Variants in ADAMTSL1 observed in about 807,000 individuals in gnomAD.
ADAMTSL1 encodes the protein ADAMTS like 1.
Under a neutral mutation model 201.8 loss-of-function variants are expected in ADAMTSL1, and 126 were observed. The observed-to-expected ratio is 0.62, with a 90% CI of 0.54 to 0.72. ADAMTSL1 has a LOEUF of 0.72. ADAMTSL1 is among the 30% of genes least tolerant of loss of function. The probability of loss-of-function intolerance (pLI) is 0.00; values close to 1 mark genes in which losing one functional copy is unlikely to be tolerated. For missense variants in ADAMTSL1, 2,679 were observed against 2,277.8 expected (o/e 1.18, Z -3.59); for synonymous variants, 1,121 against 903.4 (o/e 1.24, Z -4.32).
intron 1 of ADAMTSL1, among the ~76,000 whole-genome samples, chr9:17,914,469 C>T (rs1312163927): frequency 6.6e-6 from 1 of 152,168 alleles, no homozygotes; most frequent in Non-Finnish European, 1.5e-5. Flanking sequence ...CAAAATTCAG[C>T]AACCCTTCAT....
At chr9:18,313,001 G>T (rs1333893140) in intron 2 of ADAMTSL1, among the ~76,000 whole-genome samples, 1 of 152,162 alleles carries the variant, frequency 6.6e-6, no homozygotes, top group African/African-American at 2.4e-5. Flanking sequence ...GATAATAAAG[G>T]TTCTTCTTTT....
intron 7 of ADAMTSL1, among the ~76,000 whole-genome samples, chr9:18,646,158 A>C (rs929331658): frequency 6.6e-6 from 1 of 151,614 alleles, no homozygotes; most frequent in Admixed American, 6.6e-5. Flanking sequence ...GCAATTGTGA[A>C]TCGGAGTTCA....
chr9:18,412,822 AT>A (rs1818505127), intron 2 of ADAMTSL1, among the ~76,000 whole-genome samples: 1 of 151,992 alleles, frequency 6.6e-6, no homozygotes, highest in African/African-American at 2.4e-5. Flanking sequence ...AGGCTAAGCT[AT>A]TTTTTTCTTG....
At chr9:18,013,277 A>G (rs767732560) in intron 1 of ADAMTSL1, among the ~76,000 whole-genome samples, 1 of 152,048 alleles carries the variant, frequency 6.6e-6, no homozygotes, top group Non-Finnish European at 1.5e-5. Context: ...GATGAAGCCT[A>G]ACAGAAATTT....
At position 18,337,525 on chromosome 9, in the gene ADAMTSL1, G is replaced by A. The variant is rs1042422398; in HGVS notation, c.208-167304G>A. ...TATCCATATTGTTTCTTTCCTATCA[G>A]TATTCTCATTTTACAGATGAGGAAA... On this transcript the variant is annotated intron_variant, in intron 2 of 29. Coordinates refer to the ADAMTSL1 transcript ENST00000680146. Among the ~76,000 whole-genome samples, 54 of 152,006 alleles carry A rather than the reference G, an allele frequency of 3.6e-4. 1 individual carries two copies. The highest frequency in any genetic ancestry group is 3.4e-3 in the Admixed American group (52 of 15,264).
intron 5 of ADAMTSL1, 149 bp downstream of exon 5, chr9:18,622,518 G>T: frequency 8.2e-7 from 1 of 1,223,582 alleles, no homozygotes. Context: ...TCTGGCATGT[G>T]AATTAGCTTA....
At chr9:18,527,225 A>C (rs1418828883) in intron 2 of ADAMTSL1, among the ~76,000 whole-genome samples, 1 of 152,230 alleles carries the variant, frequency 6.6e-6, no homozygotes, top group African/African-American at 2.4e-5. Flanking sequence ...TATTCAGGGA[A>C]ATACAGTAAC....
chr9:18,253,378 A>G lies in ADAMTSL1; in HGVS notation c.207+89397A>G, dbSNP rs537323648. Among the ~76,000 whole-genome samples the G allele has an allele frequency of 4.6e-5, 7 of 152,346 alleles. No individual in the cohort carries two copies. In the South Asian group the frequency reaches 1.5e-3, roughly 32 times the overall value. On this transcript the variant is annotated intron_variant, in intron 2 of 29. Coordinates refer to the ADAMTSL1 transcript ENST00000680146. ...ATTTTCTTGGTAACAATGATCATAT[A>G]TTAGTTTAGTGCTAAAAAATAACAA...
chr9:18,229,598 A>G (rs981850643), intron 2 of ADAMTSL1, among the ~76,000 whole-genome samples: 1 of 152,140 alleles, frequency 6.6e-6, no homozygotes, highest in African/African-American at 2.4e-5. Context: ...AATGTGGGAC[A>G]CTGAAAAAAA....
At chr9:18,556,265 C>G (rs1163750514) in intron 3 of ADAMTSL1, among the ~76,000 whole-genome samples, 1 of 151,936 alleles carries the variant, frequency 6.6e-6, no homozygotes, top group Non-Finnish European at 1.5e-5. Context: ...TAGCATCTGT[C>G]TTTCCCCTTT....
intron 1 of ADAMTSL1, among the ~76,000 whole-genome samples, chr9:17,918,606 C>T (rs975042483): frequency 2.0e-5 from 3 of 151,852 alleles, no homozygotes; most frequent in Non-Finnish European, 3.0e-5. Flanking sequence ...ATTAAACTTT[C>T]TACAAATTTG....
chr9:18,805,219 G>A (rs1471994455), intron 20 of ADAMTSL1, among the ~76,000 whole-genome samples: 2 of 152,202 alleles, frequency 1.3e-5, no homozygotes, highest in Admixed American at 6.5e-5. Context: ...CTCCGCATCT[G>A]TCCAGATATT....
At chr9:17,932,890 A>G (rs958861087) in intron 1 of ADAMTSL1, among the ~76,000 whole-genome samples, 3 of 152,106 alleles carry the variant, frequency 2.0e-5, no homozygotes, top group Non-Finnish European at 4.4e-5. Context: ...ATATATGATT[A>G]TTTCTTCATA....
chr9:18,399,693 G>A (rs1817910108), intron 2 of ADAMTSL1, among the ~76,000 whole-genome samples: 1 of 151,970 alleles, frequency 6.6e-6, no homozygotes, highest in Non-Finnish European at 1.5e-5. Context: ...AATACTGTAT[G>A]CCATAGCTTT....
At chr9:18,322,101 T>A (rs1834645546) in intron 2 of ADAMTSL1, among the ~76,000 whole-genome samples, 1 of 152,172 alleles carries the variant, frequency 6.6e-6, no homozygotes, top group African/African-American at 2.4e-5. Context: ...ATGAAAATGT[T>A]AGAAATGGTG....
chr9:18,487,526 G>C (rs1029713323), intron 1 of ADAMTSL1, among the ~76,000 whole-genome samples: 1 of 152,136 alleles, frequency 6.6e-6, no homozygotes, highest in African/African-American at 2.4e-5. Context: ...GCATGAAAAT[G>C]TCTTTAGACT....
intron 2 of ADAMTSL1, among the ~76,000 whole-genome samples, chr9:18,441,536 T>C (rs1304246491): frequency 6.6e-6 from 1 of 152,164 alleles, no homozygotes. Context: ...AAGGAAGATC[T>C]GGGAAATTCA....
At chr9:18,506,013 G>C (rs545699289) in intron 2 of ADAMTSL1, among the ~76,000 whole-genome samples, 14 of 152,180 alleles carry the variant, frequency 9.2e-5, no homozygotes, top group Admixed American at 3.3e-4. Flanking sequence ...GCTCCAGGGA[G>C]GTCTCACTGG....
chr9:18,579,740 A>G (rs1181102699), intron 4 of ADAMTSL1, among the ~76,000 whole-genome samples: 2 of 152,014 alleles, frequency 1.3e-5, no homozygotes, highest in Non-Finnish European at 2.9e-5. Flanking sequence ...ACAATTATCA[A>G]CTCCTGATCC....
Sources: allele counts gnomAD v4.1 joint callset (sites outside exome capture counted in the v4.1 genomes callset), GRCh38; gene constraint gnomAD v4.1.1; transcripts MANE v1.5; gene names NCBI Gene and HGNC (gene_info 2026-07-23, HGNC 2026-07-21).